Variants in RBM17 observed in about 807,000 individuals in gnomAD.
RBM17 encodes the protein RNA binding motif protein 17, also known as splicing factor 45.
Under a neutral mutation model 53.2 loss-of-function variants are expected in RBM17, and 7 were observed. The ratio of observed to expected loss-of-function variants is 0.13; its 90% CI spans 0.07 to 0.25. The LOEUF (loss-of-function observed/expected upper bound fraction) is 0.25, where lower values mean the gene tolerates loss of function less well. Among genes scored for constraint, RBM17 ranks in the 10% least tolerant of loss-of-function variants. The pLI is 1.00. For synonymous variants in RBM17, 167 were observed against 178.1 expected (o/e 0.94, Z 0.50); for missense variants, 257 against 496.7 (o/e 0.52, Z 4.59).
intron 7 of RBM17, among the ~76,000 whole-genome samples, chr10:6,110,604 T>C (rs1487864014): frequency 6.6e-6 from 1 of 152,230 alleles, no homozygotes; most frequent in Non-Finnish European, 1.5e-5. Flanking sequence ...ACTGTAAGGC[T>C]GACGCTCAGG....
intron 4 of RBM17, 120 bp from the exon 5 acceptor site, chr10:6,106,021 C>T (rs1321651882): frequency 3.0e-6 from 2 of 663,288 alleles, no homozygotes; most frequent in East Asian, 2.8e-5. Context: ...TCTACCCCTG[C>T]AACTTCATAG....
At chr10:6,093,627 G>A (rs1840522906) in intron 1 of RBM17, among the ~76,000 whole-genome samples, 1 of 152,168 alleles carries the variant, frequency 6.6e-6, no homozygotes, top group Non-Finnish European at 1.5e-5. Context: ...TGGGCATTTG[G>A]TTAACCCATT....
rs144982399 is a variant in RBM17 at position 6,099,734 on chromosome 10, A to G, written c.124-1537A>G. On this transcript the variant is annotated intron_variant, in intron 2 of 11. Coordinates refer to ENST00000379888, the MANE Select transcript of RBM17 (RefSeq NM_032905.5). Reference sequence around the variant, plus strand: ...CCTGTAGATACAGAGGGCCAACTCTATATTGAATAGAAAATAATAATAATA... The same window carrying G: ...CCTGTAGATACAGAGGGCCAACTCTGTATTGAATAGAAAATAATAATAATA... Among the ~76,000 whole-genome samples the G allele has an allele frequency of 2.7e-3, 413 of 152,266 alleles. 3 individuals are homozygous for G. The highest frequency in any genetic ancestry group is 9.5e-3 in the African/African-American group (393 of 41,542).
intron 1 of RBM17, among the ~76,000 whole-genome samples, chr10:6,096,214 T>G (rs1199788148): frequency 6.6e-6 from 1 of 152,178 alleles, no homozygotes; most frequent in Non-Finnish European, 1.5e-5. Flanking sequence ...TGGGGTTCAC[T>G]GGCGAGGGCT....
intron 3 of RBM17, among the ~76,000 whole-genome samples, chr10:6,103,272 C>G (rs376726439): frequency 1.3e-5 from 2 of 152,162 alleles, no homozygotes; most frequent in East Asian, 1.9e-4. Context: ...CATCCTCCCC[C>G]CTCAGCATTG....
intron 3 of RBM17, among the ~76,000 whole-genome samples, chr10:6,103,433 C>A (rs1275814732): frequency 6.6e-6 from 1 of 152,000 alleles, no homozygotes; most frequent in East Asian, 1.9e-4. Context: ...AGAGAATGAA[C>A]CTTCATATTG....
chr10:6,098,556 G>GGTTTTTGT lies in RBM17; in HGVS notation c.123+1368_123+1369insGTTTTTGT, dbSNP rs1840613398. 8.1e-4 allele frequency among the ~76,000 whole-genome samples: 71 copies of GGTTTTTGT among 87,954 alleles called. 1 individual carries two copies. The highest frequency in any genetic ancestry group is 2.2e-3 in the Admixed American group (16 of 7,336). 57.7% of individuals were successfully genotyped at this position (87,954 alleles called of 152,430 possible). A position where few individuals can be genotyped will look rare whatever the true frequency, so the allele number is the denominator to read the frequency against. The stretch of plus-strand genomic sequence containing the variant: ...GTTTGAAAATTTCCGTAATACACAG[G>GGTTTTTGT]TTTTTTGTTTTTTTTTTTTTTTTTT... On this transcript the variant is annotated intron_variant, in intron 2 of 11. Transcript: ENST00000379888.
chr10:6,097,982 C>T (rs1840601677), intron 2 of RBM17, among the ~76,000 whole-genome samples: 1 of 152,166 alleles, frequency 6.6e-6, no homozygotes, highest in African/African-American at 2.4e-5. Context: ...AGGCGTCAGG[C>T]ATAGGTAGTC....
chr10:6,092,523 A>G (rs887587164), intron 1 of RBM17, among the ~76,000 whole-genome samples: 5 of 152,214 alleles, frequency 3.3e-5, no homozygotes, highest in Non-Finnish European at 7.3e-5. Flanking sequence ...AATTACATGA[A>G]TGGGTTGGGG....
intron 3 of RBM17, among the ~76,000 whole-genome samples, chr10:6,102,114 C>T (rs1027254086): frequency 6.6e-6 from 1 of 152,188 alleles, no homozygotes; most frequent in Admixed American, 6.5e-5. Flanking sequence ...TTTAAGTATA[C>T]ATTTATCTTT....
chr10:6,110,975 CCT>C (rs1193168198), intron 7 of RBM17, among the ~76,000 whole-genome samples: 1 of 151,868 alleles, frequency 6.6e-6, no homozygotes, highest in Non-Finnish European at 1.5e-5. Context: ...TTTTGTTTTC[CCT>C]GTTTATGATA....
rs755106584 is a variant in RBM17, at chr10:6,106,256, A to G, written c.505+18A>G. On this transcript the variant is annotated intron_variant, in intron 5 of 11. Transcript: ENST00000379888. ...GAAAAGAAGTAAGGCATGAACAAAT[A>G]TGTCTTAAACATATATAAATACTGG... The G allele has an allele frequency of 5.9e-6, 9 of 1,521,724 alleles. No individual in the cohort carries two copies. The highest frequency in any genetic ancestry group is 1.4e-5 in the African/African-American group (1 of 72,710). 94.3% of individuals were successfully genotyped at this position (1,521,724 alleles called of 1,614,324 possible).
In RBM17 at chr10:6,104,951, T is replaced by C; in HGVS notation, c.261T>C (p.Phe87=). ...AGLKDPVPSG[F]SAGEVLIPLA... Reference sequence around the variant, plus strand: ...CTCAGGATCCTGTTCCCAGTGGGTTTTCTGCAGGGGAAGTTCTGATTCCCT... The same window carrying C: ...CTCAGGATCCTGTTCCCAGTGGGTTCTCTGCAGGGGAAGTTCTGATTCCCT... Residue 87 remains phenylalanine, a synonymous_variant, in exon 4 of 12, where the codon TTT becomes TTC. Transcript: ENST00000379888. The C allele has an allele frequency of 6.2e-7, 1 of 1,613,934 alleles. No homozygotes were observed. The highest frequency in any genetic ancestry group is 8.5e-7 in the Non-Finnish European group (1 of 1,179,856).
At chr10:6,101,631 G>T (rs1840671030) in intron 3 of RBM17, among the ~76,000 whole-genome samples, 1 of 152,156 alleles carries the variant, frequency 6.6e-6, no homozygotes. Flanking sequence ...ATTACCTTCA[G>T]TCATACAATC....
chr10:6,092,346 A>G (rs1840499076), intron 1 of RBM17, among the ~76,000 whole-genome samples: 1 of 152,212 alleles, frequency 6.6e-6, no homozygotes, highest in Non-Finnish European at 1.5e-5. Flanking sequence ...ATTACATTTC[A>G]GTAGTTGCGG....
chr10:6,093,775 T>C (rs1038409608), intron 1 of RBM17, among the ~76,000 whole-genome samples: 2 of 152,220 alleles, frequency 1.3e-5, no homozygotes, highest in Admixed American at 6.5e-5. Flanking sequence ...ATTTTTAGAA[T>C]GCCTGCATAT....
rs937621856 is a variant in RBM17 at position 6,096,895 on chromosome 10, G to A, written c.-18-153G>A. ...TCCATGGTCTAGCTTCATGTATCAG[G>A]AATAGCCCTACATTAATGGTACCAG... On this transcript the variant is annotated intron_variant, in intron 1 of 11. Transcript: ENST00000379888. 7.1e-5 allele frequency: 40 copies of A among 562,386 alleles called. No homozygotes were observed. The African/African-American group carries it at 7.2e-4, about 10-fold the overall frequency. The allele number at this position is 562,386 out of a possible 1,614,324, so 34.8% of individuals were successfully genotyped here.
chr10:6,100,131 G>T (rs1840649662), intron 2 of RBM17, among the ~76,000 whole-genome samples: 1 of 152,196 alleles, frequency 6.6e-6, no homozygotes, highest in South Asian at 2.1e-4. Context: ...TTTGTGAGTT[G>T]TTAATTGGAT....
In RBM17 at chr10:6,112,202, C is replaced by G. The variant is rs1212328706; in HGVS notation, c.705-8C>G. On this transcript the variant is annotated splice_region_variant and splice_polypyrimidine_tract_variant and intron_variant, in intron 7 of 11. Coordinates refer to ENST00000379888, the MANE Select transcript of RBM17 (RefSeq NM_032905.5). The surrounding 1 kb of genome is among the most constrained non-coding windows in gnomAD (Gnocchi z 4.4). ...GGCTAAGAGTCCTTTCCCTTCTTCT[C>G]CTGCCAGGGGCACGGTGGCGCACAA... The G allele has an allele frequency of 1.9e-6, 3 of 1,610,198 alleles. No homozygotes were observed. Among genetic ancestry groups the G allele is most frequent in the East Asian group, 4.5e-5 (2 of 44,874 alleles).
Sources: gnomAD v4.1 joint callset for allele counts (sites outside exome capture counted in the v4.1 genomes callset) on GRCh38, gnomAD v4.1.1 for gene constraint, Gnocchi (gnomAD v3.1) non-coding constraint, MANE v1.5 for transcripts, NCBI Gene and HGNC (gene_info 2026-07-23, HGNC 2026-07-21) for gene names.